Variants in SEMA3E observed in about 807,000 individuals in gnomAD.
The protein encoded by SEMA3E is semaphorin 3E.
Under a neutral mutation model 93.6 loss-of-function variants are expected in SEMA3E, and 49 were observed. That is an observed-to-expected ratio of 0.52 (90% CI 0.42 to 0.66). The LOEUF is 0.66. Among genes scored for constraint, SEMA3E ranks in the 30% least tolerant of loss-of-function variants. SEMA3E has a pLI of 0.00. For missense variants in SEMA3E, 906 were observed against 964.8 expected (o/e 0.94, Z 0.81); for synonymous variants, 363 against 330.7 (o/e 1.10, Z -1.06).
intron 1 of SEMA3E, among the ~76,000 whole-genome samples, chr7:83,508,403 C>T (rs922737205): frequency 6.6e-6 from 1 of 151,930 alleles, no homozygotes; most frequent in South Asian, 2.1e-4. Context: ...GCTGGGATTA[C>T]AGGCGTGCGC....
At chr7:83,411,292 A>G (rs1310769363) in intron 5 of SEMA3E, among the ~76,000 whole-genome samples, 2 of 152,228 alleles carry the variant, frequency 1.3e-5, no homozygotes. Flanking sequence ...CACTCAGGAC[A>G]GAGAAAATTG....
Position 83,431,821 on chromosome 7 carries a change from G to A in SEMA3E, c.457-13338C>T, listed in dbSNP as rs556766996. 4.6e-5 allele frequency among the ~76,000 whole-genome samples: 7 copies of A among 152,276 alleles called. No homozygotes were observed. The East Asian group carries it at 1.3e-3, about 29-fold the overall frequency. ...GGCAAATTTGCGAGAACATGTTCTA[G>A]CTCAATAACATATAAGAAATTAATG... On this transcript the variant is annotated intron_variant, in intron 4 of 16. Coordinates refer to ENST00000643230, the MANE Select transcript of SEMA3E (RefSeq NM_012431.3).
chr7:83,448,695 A>T (rs79868698), intron 4 of SEMA3E, among the ~76,000 whole-genome samples: 2 of 152,342 alleles, frequency 1.3e-5, no homozygotes, highest in East Asian at 3.9e-4. Context: ...ACCGAATCTG[A>T]TAACATTTCC....
At chr7:83,565,435 T>G (rs186164934) in intron 1 of SEMA3E, among the ~76,000 whole-genome samples, 2 of 151,978 alleles carry the variant, frequency 1.3e-5, no homozygotes, top group East Asian at 3.9e-4. Context: ...GATGGGTCAA[T>G]AGGTGCAAGA....
At chr7:83,530,890 A>T (rs915572413) in intron 1 of SEMA3E, among the ~76,000 whole-genome samples, 4 of 152,120 alleles carry the variant, frequency 2.6e-5, no homozygotes, top group Admixed American at 6.6e-5. Context: ...GGAAAAAAAA[A>T]ATTCAAGGTT....
intron 4 of SEMA3E, chr7:83,424,814 A>T (rs1376032882): frequency 1.1e-5 from 2 of 179,020 alleles, no homozygotes; most frequent in Non-Finnish European, 2.4e-5. Context: ...GCCAACCGGG[A>T]TGATGCAGTG....
chr7:83,483,882 C>A (rs1448973387), intron 2 of SEMA3E, among the ~76,000 whole-genome samples: 1 of 152,100 alleles, frequency 6.6e-6, no homozygotes, highest in African/African-American at 2.4e-5. Flanking sequence ...CAGGACTAAT[C>A]CATCATGACG....
chr7:83,569,869 G>C (rs1169586605), intron 1 of SEMA3E, among the ~76,000 whole-genome samples: 2 of 152,004 alleles, frequency 1.3e-5, no homozygotes, highest in Non-Finnish European at 2.9e-5. Context: ...TTGACACACT[G>C]GACCTAAAAG....
At chr7:83,638,338 G>A (rs1793922106) in intron 1 of SEMA3E, among the ~76,000 whole-genome samples, 1 of 152,238 alleles carries the variant, frequency 6.6e-6, no homozygotes, top group Non-Finnish European at 1.5e-5. Context: ...TATAACAAAG[G>A]GGATGAAGTG....
intron 16 of SEMA3E, among the ~76,000 whole-genome samples, chr7:83,382,310 T>C (rs954283779): frequency 6.6e-6 from 1 of 152,014 alleles, no homozygotes; most frequent in Non-Finnish European, 1.5e-5. Context: ...TTCCATAAAA[T>C]ACACATAGAA....
intron 1 of SEMA3E, among the ~76,000 whole-genome samples, chr7:83,537,843 G>A (rs1264770899): frequency 1.3e-5 from 2 of 152,054 alleles, no homozygotes; most frequent in African/African-American, 4.8e-5. Context: ...GCAATCACTT[G>A]TTCTGCCTCC....
At chr7:83,542,069 G>C (rs578078697) in intron 1 of SEMA3E, among the ~76,000 whole-genome samples, 108 of 152,094 alleles carry the variant, frequency 7.1e-4, no homozygotes, top group African/African-American at 2.1e-3. Flanking sequence ...ATGGCCAGAC[G>C]CTATGGCTGA....
intron 1 of SEMA3E, among the ~76,000 whole-genome samples, chr7:83,552,543 C>T (rs898061614): frequency 2.0e-5 from 3 of 152,110 alleles, no homozygotes; most frequent in African/African-American, 7.2e-5. Flanking sequence ...TTTCTTCTTG[C>T]AGAGAGCCTA....
chr7:83,527,160 G>C (rs1014700467), intron 1 of SEMA3E, among the ~76,000 whole-genome samples: 4 of 150,976 alleles, frequency 2.6e-5, no homozygotes, highest in African/African-American at 9.7e-5. Context: ...AGGACTGGCA[G>C]CAACCACCAT....
intron 1 of SEMA3E, among the ~76,000 whole-genome samples, chr7:83,601,357 A>G (rs1792992998): frequency 6.6e-6 from 1 of 152,086 alleles, no homozygotes; most frequent in African/African-American, 2.4e-5. Flanking sequence ...AATGAAAACC[A>G]CTCAGACAAA....
At chr7:83,554,584 T>G (rs1562830598) in intron 1 of SEMA3E, among the ~76,000 whole-genome samples, 1 of 152,092 alleles carries the variant, frequency 6.6e-6, no homozygotes, top group South Asian at 2.1e-4. Flanking sequence ...AGTTTCCAAA[T>G]GTAGTAATGT....
intron 16 of SEMA3E, among the ~76,000 whole-genome samples, chr7:83,381,180 C>T (rs2116910559): frequency 6.6e-6 from 1 of 151,950 alleles, no homozygotes; most frequent in South Asian, 2.1e-4. Flanking sequence ...CAATGGTTTC[C>T]TTTTTAATTC....
intron 2 of SEMA3E, among the ~76,000 whole-genome samples, chr7:83,472,650 G>T (rs1318157558): frequency 3.9e-5 from 6 of 152,260 alleles, no homozygotes; most frequent in Non-Finnish European, 8.8e-5. Flanking sequence ...TTATCTTGGA[G>T]GGATGGTGTT....
intron 4 of SEMA3E, among the ~76,000 whole-genome samples, chr7:83,453,989 T>C (rs905666569): frequency 1.3e-4 from 20 of 151,904 alleles, no homozygotes; most frequent in Admixed American, 5.2e-4. Flanking sequence ...CCGGGCGTGA[T>C]GGTTCAAGCC....
Sources: allele counts gnomAD v4.1 joint callset (sites outside exome capture counted in the v4.1 genomes callset), GRCh38; gene constraint gnomAD v4.1.1; transcripts MANE v1.5; gene names NCBI Gene and HGNC (gene_info 2026-07-23, HGNC 2026-07-21).